SDK1: variants seen among roughly 807,000 people sequenced by gnomAD.
The protein encoded by SDK1 is sidekick cell adhesion molecule 1, also known as protein sidekick-1.
In SDK1, 157 loss-of-function variants were observed where a neutral mutation model predicts 245.5. That is an observed-to-expected ratio of 0.64 (90% CI 0.56 to 0.73). The LOEUF (loss-of-function observed/expected upper bound fraction) is 0.73. Among genes scored for constraint, SDK1 ranks in the 30% least tolerant of loss-of-function variants. SDK1 has a pLI of 0.00. For synonymous variants in SDK1, 1,647 were observed against 1,278.5 expected (o/e 1.29, Z -6.15); for missense variants, 3,583 against 3,002.3 (o/e 1.19, Z -4.52).
intron 1 of SDK1, among the ~76,000 whole-genome samples, chr7:3,558,164 A>G (rs934983702): frequency 1.3e-5 from 2 of 152,230 alleles, no homozygotes; most frequent in Non-Finnish European, 2.9e-5. Context: ...GCTTACAGAA[A>G]TGACAATTTC....
rs374153106 is a variant in SDK1, at chr7:3,667,948, G to T, written c.713+25843G>T. ...GCACATGAACATAAGCCTTTATTTT[G>T]CCCAGTTACATGCTTGGAGTAGACT... On this transcript the variant is annotated intron_variant, in intron 4 of 44. Coordinates refer to ENST00000404826, the MANE Select transcript of SDK1 (RefSeq NM_152744.4). 1.5e-3 allele frequency among the ~76,000 whole-genome samples: 233 copies of T among 152,222 alleles called. 1 individual carries two copies. The highest frequency in any genetic ancestry group is 5.4e-3 in the African/African-American group (224 of 41,524).
chr7:4,110,101 G>A (rs778069201), intron 22 of SDK1, among the ~76,000 whole-genome samples: 1 of 152,280 alleles, frequency 6.6e-6, no homozygotes, highest in African/African-American at 2.4e-5. Flanking sequence ...TGGGCCTGCC[G>A]ATCTGGCTTC....
intron 4 of SDK1, chr7:3,642,990 T>A (rs889010220): frequency 6.6e-6 from 1 of 152,236 alleles, no homozygotes; most frequent in Non-Finnish European, 1.5e-5. Context: ...ATTTGCCAAA[T>A]AGATTTTACA....
chr7:4,050,738 G>A (rs1435587926), intron 18 of SDK1, among the ~76,000 whole-genome samples: 1 of 151,694 alleles, frequency 6.6e-6, no homozygotes, highest in Non-Finnish European at 1.5e-5. Context: ...AATCATGGAT[G>A]TCTTTTTTGA....
intron 30 of SDK1, among the ~76,000 whole-genome samples, chr7:4,154,137 G>T (rs951701394): frequency 6.6e-6 from 1 of 152,190 alleles, no homozygotes; most frequent in East Asian, 1.9e-4. Flanking sequence ...TCTGCATTTA[G>T]CTCTGAGGCA....
chr7:3,528,787 G>T (rs1034507996), intron 1 of SDK1, among the ~76,000 whole-genome samples: 1 of 152,082 alleles, frequency 6.6e-6, no homozygotes, highest in Non-Finnish European at 1.5e-5. Flanking sequence ...GAGCAATGGG[G>T]TGAATTGTGC....
chr7:3,475,702 T>A lies in SDK1; in HGVS notation c.299-143378T>A, dbSNP rs564060215. Among the ~76,000 whole-genome samples, 179 of 152,342 alleles carry A rather than the reference T, an allele frequency of 1.2e-3. 2 individuals carry two copies. The highest frequency in any genetic ancestry group is 4.1e-3 in the African/African-American group (171 of 41,580). ...GAATGGTATTAAAAGTAAATAAATT[T>A]ACTTAACTCTCAAGTCAAGATTTAT... On this transcript the variant is annotated intron_variant, in intron 1 of 44. Coordinates refer to ENST00000404826, the MANE Select transcript of SDK1 (RefSeq NM_152744.4).
chr7:3,751,057 A>T (rs561991800), intron 4 of SDK1, among the ~76,000 whole-genome samples: 149 of 152,102 alleles, frequency 9.8e-4, no homozygotes, highest in African/African-American at 3.6e-3. Flanking sequence ...TTCGAGCTCC[A>T]CCCTGCAGCC....
At chr7:4,079,031 TC>T (rs1780885606) in intron 21 of SDK1, among the ~76,000 whole-genome samples, 1 of 152,118 alleles carries the variant, frequency 6.6e-6, no homozygotes, top group Non-Finnish European at 1.5e-5. Flanking sequence ...TATGCACTCT[TC>T]CCTCCATCCC....
chr7:3,447,121 A>G (rs1293596453), intron 1 of SDK1, among the ~76,000 whole-genome samples: 1 of 152,196 alleles, frequency 6.6e-6, no homozygotes, highest in East Asian at 1.9e-4. Context: ...TCATTTAAGA[A>G]GTGTTCTCTA....
chr7:4,171,341 TAG>T (rs1781826043), intron 32 of SDK1, among the ~76,000 whole-genome samples: 1 of 152,206 alleles, frequency 6.6e-6, no homozygotes, highest in Non-Finnish European at 1.5e-5. Flanking sequence ...TTTCCATCTG[TAG>T]ATTGTCCCGA....
At chr7:4,265,026 C>A in intron 44 of SDK1, 98 bp from the exon 45 acceptor site, 2 of 1,514,840 alleles carry the variant, frequency 1.3e-6, no homozygotes, top group Admixed American at 2.0e-5. Context: ...GCGACACACG[C>A]CCCTGGGGAG....
intron 4 of SDK1, among the ~76,000 whole-genome samples, chr7:3,769,368 G>C (rs1780343110): frequency 6.6e-6 from 1 of 152,076 alleles, no homozygotes; most frequent in African/African-American, 2.4e-5. Flanking sequence ...TATATAGTGA[G>C]GGGGACTGAG....
intron 1 of SDK1, among the ~76,000 whole-genome samples, chr7:3,427,092 C>G (rs1316599861): frequency 6.6e-6 from 1 of 152,210 alleles, no homozygotes; most frequent in Non-Finnish European, 1.5e-5. Context: ...CTACACACAA[C>G]AATCTTAATA....
At chr7:3,672,457 A>T (rs999349989) in intron 4 of SDK1, among the ~76,000 whole-genome samples, 1 of 151,384 alleles carries the variant, frequency 6.6e-6, no homozygotes, top group Non-Finnish European at 1.5e-5. Context: ...CAGAGGCATT[A>T]GCCAAAAGAG....
chr7:3,958,226 C>T, intron 7 of SDK1: 1 of 290,588 alleles, frequency 3.4e-6, no homozygotes, highest in South Asian at 2.8e-5. Flanking sequence ...CACCTTAATA[C>T]TTGACAAACT....
rs140296029 is a variant in SDK1, at chr7:3,683,029, C to A, written c.713+40924C>A. ...GATCACAAGTATGAGCTACCACGCGCGGCCTGGATTTATAAATTCAATAGC... is the reference window on the plus strand; with the variant it reads ...GATCACAAGTATGAGCTACCACGCGAGGCCTGGATTTATAAATTCAATAGC... On this transcript the variant is annotated intron_variant, in intron 4 of 44. Coordinates refer to ENST00000404826, the MANE Select transcript of SDK1 (RefSeq NM_152744.4). Among the ~76,000 whole-genome samples, 690 of 152,254 alleles carry A rather than the reference C, an allele frequency of 4.5e-3. 4 individuals carry two copies. Among genetic ancestry groups the A allele is most frequent in the Non-Finnish European group, 7.2e-3 (490 of 68,026 alleles).
chr7:3,800,006 A>C (rs1779066739), intron 4 of SDK1, among the ~76,000 whole-genome samples: 1 of 152,262 alleles, frequency 6.6e-6, no homozygotes, highest in East Asian at 1.9e-4. Context: ...TTAGATTACT[A>C]TGCAGGTTCT....
intron 1 of SDK1, among the ~76,000 whole-genome samples, chr7:3,461,022 T>C (rs950746715): frequency 1.3e-5 from 2 of 152,206 alleles, no homozygotes; most frequent in African/African-American, 4.8e-5. Flanking sequence ...AATTTGCTAA[T>C]ATATACAGAT....
Sources: allele counts gnomAD v4.1 joint callset (sites outside exome capture counted in the v4.1 genomes callset), GRCh38; gene constraint gnomAD v4.1.1; transcripts MANE v1.5; gene names NCBI Gene and HGNC (gene_info 2026-07-23, HGNC 2026-07-21).